NEK7: variants seen among roughly 807,000 people sequenced by gnomAD.
NEK7 encodes the protein NIMA related kinase 7, also known as serine/threonine-protein kinase Nek7.
In NEK7, 18 loss-of-function variants were observed where a neutral mutation model predicts 44.6. The observed-to-expected ratio is 0.40, with a 90% confidence interval of 0.28 to 0.60. NEK7 has a LOEUF of 0.60. Among genes scored for constraint, NEK7 ranks in the 20% least tolerant of loss-of-function variants. NEK7 has a pLI of 0.38. For synonymous variants in NEK7, 130 were observed against 121.1 expected, an observed-to-expected ratio of 1.07 and a Z score of -0.48; for missense variants, 256 against 366.5, an observed-to-expected ratio of 0.70 and a Z score of 2.46.
At chr1:198,157,765 T>C (rs1434997685) in intron 1 of NEK7, among the ~76,000 whole-genome samples, 5 of 151,980 alleles carry the variant, frequency 3.3e-5, no homozygotes, top group Non-Finnish European at 7.4e-5. Context: ...AGCCGGCAGA[T>C]AGGGGAGAAT....
chr1:198,219,557 G>T lies in NEK7; in HGVS notation c.-28-12996G>T, dbSNP rs533031593. The stretch of plus-strand genomic sequence containing the variant: ...AATGGACATTGGAGACTCAGAATGG[G>T]GAAGGGTGGGAGGGATGTGAGGGAT... On this transcript the variant is annotated intron_variant, in intron 1 of 9. Transcript: ENST00000367385. Among the ~76,000 whole-genome samples, 68 of 151,894 alleles carry T rather than the reference G, an allele frequency of 4.5e-4. No homozygotes were observed. The South Asian group carries it at 8.5e-3, about 19-fold the overall frequency.
intron 2 of NEK7, among the ~76,000 whole-genome samples, chr1:198,239,310 C>T (rs1208861370): frequency 6.6e-6 from 1 of 152,092 alleles, no homozygotes; most frequent in Non-Finnish European, 1.5e-5. Flanking sequence ...CCTCTAGCTG[C>T]ATTTTGTGCC....
At chr1:198,164,085 G>GCAACAA (rs141795666) in intron 1 of NEK7, among the ~76,000 whole-genome samples, 1 of 151,866 alleles carries the variant, frequency 6.6e-6, no homozygotes. Context: ...TACTAAAAAT[G>GCAACAA]CAACAACAAC....
At chr1:198,219,960 A>C (rs1386854728) in intron 1 of NEK7, among the ~76,000 whole-genome samples, 1 of 128,558 alleles carries the variant, frequency 7.8e-6, no homozygotes, top group Non-Finnish European at 1.6e-5. Context: ...AAATACTATG[A>C]GACACTGTAA....
chr1:198,220,309 C>T (rs1408381742), intron 1 of NEK7, among the ~76,000 whole-genome samples: 1 of 151,930 alleles, frequency 6.6e-6, no homozygotes, highest in African/African-American at 2.4e-5. Context: ...TCAGACTCAG[C>T]TTGTTCTTTC....
chr1:198,245,418 G>A (rs965782973), intron 2 of NEK7: 3 of 168,780 alleles, frequency 1.8e-5, no homozygotes, highest in Non-Finnish European at 2.9e-5. Flanking sequence ...CAGAAATAGA[G>A]GTAGAAGCCA....
intron 2 of NEK7, among the ~76,000 whole-genome samples, chr1:198,249,286 A>G (rs1652819288): frequency 7.0e-6 from 1 of 143,244 alleles, no homozygotes; most frequent in South Asian, 2.2e-4. Flanking sequence ...AATCCAGTCT[A>G]TCATTGTTGG....
chr1:198,198,247 C>G, intron 1 of NEK7: 1 of 561,222 alleles, frequency 1.8e-6, no homozygotes, highest in Non-Finnish European at 3.3e-6. Flanking sequence ...CTCCTCAGCT[C>G]AATACATTTT....
At position 198,253,245 on chromosome 1, in the gene NEK7, G is replaced by T. The variant is rs1653136029; in HGVS notation, c.198+65G>T. 4.5e-6 allele frequency: 5 copies of T among 1,110,956 alleles called. No homozygotes were observed. The Admixed American group carries it at 6.4e-5, about 14-fold the overall frequency. The allele number at this position is 1,110,956 out of a possible 1,614,324, so 68.8% of individuals were successfully genotyped here. On this transcript the variant is annotated intron_variant, in intron 3 of 9. Transcript: ENST00000367385. ...ACTATGTGAATTATAGATGAGAAAA[G>T]TATATCCTGAATGATTGGGTACTGA...
intron 1 of NEK7, among the ~76,000 whole-genome samples, chr1:198,183,687 A>G (rs773104963): frequency 3.9e-5 from 6 of 152,018 alleles, no homozygotes; most frequent in Non-Finnish European, 5.9e-5. Flanking sequence ...CTTTTTACCA[A>G]TGTTTTTTAA....
At chr1:198,198,662 T>G (rs1665316983) in intron 1 of NEK7, among the ~76,000 whole-genome samples, 1 of 152,216 alleles carries the variant, frequency 6.6e-6, no homozygotes, top group South Asian at 2.1e-4. Context: ...ATTAAATCCT[T>G]GGCCTGATTC....
At chr1:198,296,081 A>G (rs1654708880) in intron 8 of NEK7, among the ~76,000 whole-genome samples, 1 of 152,126 alleles carries the variant, frequency 6.6e-6, no homozygotes, top group Non-Finnish European at 1.5e-5. Context: ...TGTCTGGAGC[A>G]CAGAAGACAG....
intron 1 of NEK7, among the ~76,000 whole-genome samples, chr1:198,195,174 T>TA (rs992114317): frequency 6.6e-6 from 1 of 152,098 alleles, no homozygotes; most frequent in Non-Finnish European, 1.5e-5. Context: ...TCTATTTTAT[T>TA]AAAAAAATTC....
At chr1:198,284,198 C>T (rs1370581899) in intron 7 of NEK7, among the ~76,000 whole-genome samples, 1 of 152,134 alleles carries the variant, frequency 6.6e-6, no homozygotes, top group Non-Finnish European at 1.5e-5. Flanking sequence ...GAAAGGTAAA[C>T]AGCTAGAAGA....
intron 1 of NEK7, among the ~76,000 whole-genome samples, chr1:198,211,315 A>G (rs1480578035): frequency 1.3e-5 from 2 of 152,212 alleles, no homozygotes; most frequent in Non-Finnish European, 2.9e-5. Flanking sequence ...TTATTATAGG[A>G]AATTATGTAT....
At chr1:198,310,589 G>A (rs779858965) in intron 9 of NEK7, among the ~76,000 whole-genome samples, 86 of 150,670 alleles carry the variant, frequency 5.7e-4, no homozygotes, top group Non-Finnish European at 1.0e-3. Context: ...TAACGTTTAA[G>A]TCTTTAATCC....
intron 9 of NEK7, among the ~76,000 whole-genome samples, chr1:198,312,948 A>G (rs1571623789): frequency 6.6e-6 from 1 of 152,124 alleles, no homozygotes; most frequent in African/African-American, 2.4e-5. Flanking sequence ...GTAGATGTCT[A>G]TTAGGTCCGC....
At chr1:198,311,348 G>C (rs991249575) in intron 9 of NEK7, among the ~76,000 whole-genome samples, 1 of 152,116 alleles carries the variant, frequency 6.6e-6, no homozygotes, top group African/African-American at 2.4e-5. Context: ...CTGAGACATT[G>C]GGTTTTTGTA....
intron 1 of NEK7, among the ~76,000 whole-genome samples, chr1:198,158,554 C>G (rs1466138307): frequency 8.5e-5 from 13 of 152,128 alleles, no homozygotes; most frequent in Admixed American, 8.5e-4. Context: ...GTGGTGTGGT[C>G]GAAGAATGGC....
Sources: allele counts gnomAD v4.1 joint callset (sites outside exome capture counted in the v4.1 genomes callset), GRCh38; gene constraint gnomAD v4.1.1; transcripts MANE v1.5; gene names NCBI Gene and HGNC (gene_info 2026-07-23, HGNC 2026-07-21).